Variants in TENM4 observed in about 807,000 individuals in gnomAD.
The protein encoded by TENM4 is teneurin-4.
A neutral mutation model predicts 243.3 loss-of-function variants in TENM4; 82 were observed. The observed-to-expected ratio is 0.34, with a 90% CI of 0.28 to 0.40. The LOEUF is 0.40. Among genes scored for constraint, TENM4 ranks in the 10% least tolerant of loss-of-function variants. The probability of loss-of-function intolerance (pLI) is 1.00; values close to 1 mark genes in which losing one functional copy is unlikely to be tolerated. For synonymous variants in TENM4, 1,412 were observed against 1,456.3 expected (o/e 0.97, Z 0.69); for missense variants, 3,138 against 3,673.3 (o/e 0.85, Z 3.77).
intron 6 of TENM4, among the ~76,000 whole-genome samples, chr11:78,940,065 GCTACAACAGTAATAACTGCTGTTAATGC>G (rs1033805481): frequency 4.6e-5 from 7 of 152,106 alleles, no homozygotes; most frequent in Admixed American, 3.3e-4. Context: ...CCCAGTCACA[GCTACAACAGTAATAACTGCTGTTAATGC>G]TCCCTGGTAT....
chr11:79,292,701 A>G (rs1394071420), intron 2 of TENM4, among the ~76,000 whole-genome samples: 4 of 152,224 alleles, frequency 2.6e-5, no homozygotes, highest in Admixed American at 1.3e-4. Context: ...CCAAGCTTTC[A>G]TGTCAGTCAA....
intron 17 of TENM4, 65 bp from the exon 18 acceptor site, chr11:78,771,203 C>T: frequency 6.5e-7 from 1 of 1,532,764 alleles, no homozygotes. Flanking sequence ...CACACACTAA[C>T]ACGCTACCTG....
At position 79,235,300 on chromosome 11, in the gene TENM4, G is replaced by A. The variant is rs143667764; in HGVS notation, c.-264-19391C>T. Among the ~76,000 whole-genome samples, 45 of 152,042 alleles carry A rather than the reference G, an allele frequency of 3.0e-4. No individual in the cohort carries two copies. The East Asian group carries it at 8.5e-3, about 29-fold the overall frequency. On this transcript the variant is annotated intron_variant, in intron 2 of 33. Coordinates refer to ENST00000278550, the MANE Select transcript of TENM4 (RefSeq NM_001098816.3). ...ACTGCACTCCAGCCTGGGTGACAAG[G>A]TGAGACTCCGTCTCCAAAAAAAAAT... is the stretch of plus-strand genomic sequence containing the variant.
At chr11:78,935,957 G>A (rs1266314471) in intron 6 of TENM4, among the ~76,000 whole-genome samples, 1 of 152,176 alleles carries the variant, frequency 6.6e-6, no homozygotes, top group Non-Finnish European at 1.5e-5. Context: ...TGTACAGTGA[G>A]ATCTGTAAGG....
At chr11:78,963,375 T>C (rs1019442524) in intron 6 of TENM4, among the ~76,000 whole-genome samples, 1 of 152,234 alleles carries the variant, frequency 6.6e-6, no homozygotes, top group Non-Finnish European at 1.5e-5. Flanking sequence ...CCTTTCAACA[T>C]GTGCAGTACA....
At chr11:78,790,872 C>G (rs1565380385) in intron 15 of TENM4, among the ~76,000 whole-genome samples, 1 of 152,184 alleles carries the variant, frequency 6.6e-6, no homozygotes, top group African/African-American at 2.4e-5. Context: ...GTCCTCTACA[C>G]AGAGTTTCCC....
intron 6 of TENM4, among the ~76,000 whole-genome samples, chr11:79,009,893 G>A (rs963414597): frequency 6.6e-6 from 1 of 152,144 alleles, no homozygotes; most frequent in African/African-American, 2.4e-5. Flanking sequence ...TCATGGGAGG[G>A]ACCCTGTGGG....
In TENM4 at chr11:78,813,819, C is replaced by T. The variant is rs186372932; in HGVS notation, c.1783+475G>A. ...AAAAGTGGCCTGGCCTCCTCAGTCC[C>T]TCCCCTTGGGGTCTTGGCTGATTCT... On this transcript the variant is annotated intron_variant, in intron 13 of 33. Transcript: ENST00000278550. Among the ~76,000 whole-genome samples, 349 of 152,346 alleles carry T rather than the reference C, an allele frequency of 2.3e-3. 1 individual carries two copies. The highest frequency in any genetic ancestry group is 3.4e-3 in the Non-Finnish European group (232 of 68,038).
chr11:78,903,410 C>G lies in TENM4; in HGVS notation c.607G>C (p.Gly203Arg), dbSNP rs1332029776. Residue 203 changes from glycine to arginine, a missense_variant, in exon 7 of 34, where the codon GGC (glycine) becomes CGC (arginine). Gly to Arg is a moderately radical substitution (Grantham distance 125). Transcript: ENST00000278550. ...GGGTTGCTCCTCGGCGTGAAGTTGC[C>G]CCGGTTCAGGGAGTTAATGGAGGCC... ...HAASINSLNR[G>R]NFTPRSNPSP... 1 of 1,539,500 alleles carries G rather than the reference C, an allele frequency of 6.5e-7. No homozygotes were observed. Among genetic ancestry groups the G allele is most frequent in the East Asian group, 2.5e-5 (1 of 40,118 alleles).
chr11:79,361,513 C>A (rs1348431913), intron 1 of TENM4, among the ~76,000 whole-genome samples: 1 of 152,116 alleles, frequency 6.6e-6, no homozygotes, highest in East Asian at 1.9e-4. Context: ...TGTCACACTC[C>A]CAGTGTTGCT....
chr11:78,786,558 A>T (rs1221828863), intron 16 of TENM4, among the ~76,000 whole-genome samples: 2 of 152,242 alleles, frequency 1.3e-5, no homozygotes, highest in Admixed American at 6.5e-5. Flanking sequence ...GCTTGCCCAT[A>T]GCTGCTAAGA....
chr11:78,709,260 C>T (rs537158870), intron 26 of TENM4, among the ~76,000 whole-genome samples: 16 of 152,028 alleles, frequency 1.1e-4, no homozygotes, highest in African/African-American at 2.9e-4. Flanking sequence ...CCACCATGCC[C>T]GGCCCGTCCT....
chr11:79,283,209 CACAA>C lies in TENM4; in HGVS notation c.-265+14275_-265+14278del, dbSNP rs1323019558. On this transcript the variant is annotated intron_variant, in intron 2 of 33. Coordinates refer to ENST00000278550, the MANE Select transcript of TENM4 (RefSeq NM_001098816.3). ...AAATCAGACAAAGACATCACACACA[CACAA>C]ACACACACACACACACACACACACA... Among the ~76,000 whole-genome samples the C allele has an allele frequency of 9.9e-3, 1,176 of 118,276 alleles. 13 individuals are homozygous for C. The highest frequency in any genetic ancestry group is 0.041 in the African/African-American group (998 of 24,418). 77.6% of individuals were successfully genotyped at this position (118,276 alleles called of 152,430 possible).
chr11:79,163,798 C>CACATAT (rs139746563), intron 3 of TENM4, among the ~76,000 whole-genome samples: 40 of 144,848 alleles, frequency 2.8e-4, no homozygotes, highest in East Asian at 8.1e-4. Context: ...TATACACACA[C>CACATAT]ATATATATAC....
intron 2 of TENM4, among the ~76,000 whole-genome samples, chr11:79,264,811 G>T (rs868042912): frequency 3.3e-5 from 5 of 152,186 alleles, no homozygotes; most frequent in Non-Finnish European, 5.9e-5. Flanking sequence ...AACTGTTCTA[G>T]GTGATTCTAG....
At chr11:78,767,422 T>C (rs1856560721) in intron 18 of TENM4, among the ~76,000 whole-genome samples, 2 of 152,216 alleles carry the variant, frequency 1.3e-5, no homozygotes, top group Non-Finnish European at 2.9e-5. Flanking sequence ...TCTGAGTAAG[T>C]ACTCACACTA....
chr11:79,200,699 T>C (rs183631673), intron 3 of TENM4, among the ~76,000 whole-genome samples: 1 of 152,372 alleles, frequency 6.6e-6, no homozygotes, highest in East Asian at 1.9e-4. Context: ...CTGATCGTTC[T>C]TGACAGAACA....
At chr11:79,268,307 G>A (rs1337646739) in intron 2 of TENM4, among the ~76,000 whole-genome samples, 3 of 152,172 alleles carry the variant, frequency 2.0e-5, no homozygotes, top group South Asian at 4.1e-4. Flanking sequence ...ATATGTATAT[G>A]AATAGACTGT....
At chr11:79,075,008 G>A (rs1358460890) in intron 4 of TENM4, among the ~76,000 whole-genome samples, 1 of 152,226 alleles carries the variant, frequency 6.6e-6, no homozygotes, top group Non-Finnish European at 1.5e-5. Context: ...GCCATCTAGA[G>A]TGAACTGTTT....
Sources: gnomAD v4.1 joint callset for allele counts (sites outside exome capture counted in the v4.1 genomes callset) on GRCh38, gnomAD v4.1.1 for gene constraint, MANE v1.5 for transcripts, NCBI Gene and HGNC (gene_info 2026-07-23, HGNC 2026-07-21) for gene names.